ADAM19: variants seen among roughly 807,000 people sequenced by gnomAD.
ADAM19 encodes the protein disintegrin and metalloproteinase domain-containing protein 19.
A neutral mutation model predicts 114.7 loss-of-function variants in ADAM19; 65 were observed. The observed-to-expected ratio is 0.57, with a 90% CI of 0.46 to 0.70. The LOEUF (loss-of-function observed/expected upper bound fraction) is 0.70, where lower values mean the gene tolerates loss of function less well. Ranked by LOEUF, ADAM19 falls within the 30% of genes least tolerant of loss-of-function variation. The probability of loss-of-function intolerance (pLI) is 0.00; values close to 1 mark genes in which losing one functional copy is unlikely to be tolerated. For synonymous variants in ADAM19, 466 were observed against 460.5 expected, an observed-to-expected ratio of 1.01 and a Z score of -0.15; for missense variants, 1,063 against 1,204.7, an observed-to-expected ratio of 0.88 and a Z score of 1.74.
intron 8 of ADAM19, among the ~76,000 whole-genome samples, chr5:157,512,357 T>C (rs1174145917): frequency 6.6e-6 from 1 of 152,218 alleles, no homozygotes; most frequent in Non-Finnish European, 1.5e-5. Context: ...TATTCTCTAG[T>C]GTTTAGGAAA....
intron 3 of ADAM19, among the ~76,000 whole-genome samples, chr5:157,560,861 A>G (rs778455419): frequency 1.3e-5 from 2 of 152,276 alleles, no homozygotes; most frequent in Non-Finnish European, 2.9e-5. Context: ...TTTAAAAACA[A>G]TGAGCAAGAA....
intron 2 of ADAM19, 197 bp downstream of exon 2, chr5:157,570,698 C>T: frequency 1.9e-6 from 1 of 522,402 alleles, no homozygotes; most frequent in Middle Eastern, 2.8e-4. Flanking sequence ...CAACTAATAG[C>T]ATTGGGAAGT....
Position 157,509,346 on chromosome 5 carries a change from C to G in ADAM19, c.860G>C (p.Arg287Pro). The change falls in exon 9 of 23, where the codon CGC (arginine) becomes CCC (proline). Residue 287 changes from arginine to proline, a missense_variant. This residue lies in a region of ADAM19 where 615 missense variants were observed against 706.3 expected (regional missense o/e 0.87). Coordinates refer to ENST00000257527, the MANE Select transcript of ADAM19 (RefSeq NM_033274.5). ...ATGGTACTTCTGGGCAAGCAGCTTGCGCCTCCAACTGAGAAAGGACCAGAG... is the reference window on the plus strand; with the variant it reads ...ATGGTACTTCTGGGCAAGCAGCTTGGGCCTCCAACTGAGAAAGGACCAGAG... ...STLWSFLSWR[R>P]KLLAQKYHDN... 6.2e-7 allele frequency: 1 copy of G among 1,611,754 alleles called. No individual in the cohort carries two copies. Among genetic ancestry groups the G allele is most frequent in the Non-Finnish European group, 8.5e-7 (1 of 1,178,684 alleles).
chr5:157,530,958 A>G, intron 4 of ADAM19, 75 bp from the exon 5 acceptor site: 3 of 1,292,404 alleles, frequency 2.3e-6, no homozygotes, highest in South Asian at 1.2e-5. Context: ...CAGGATGGTC[A>G]TGGATGACTC....
chr5:157,541,583 T>C (rs114084188), intron 3 of ADAM19, among the ~76,000 whole-genome samples: 4,365 of 152,130 alleles, frequency 0.029, 199 homozygotes, highest in African/African-American at 0.099. Flanking sequence ...GAAAATAAGC[T>C]ACCCCCAAAT....
In ADAM19 at chr5:157,503,565, C is replaced by T. The variant is rs538307016; in HGVS notation, c.1131-585G>A. Among the ~76,000 whole-genome samples, 7 of 151,818 alleles carry T rather than the reference C, an allele frequency of 4.6e-5. No individual in the cohort carries two copies. In the South Asian group the frequency reaches 6.3e-4, roughly 14 times the overall value. ...CCCATAACATTCTATTTTTCTTAGT[C>T]GGCATGCAGAAAGCATTTGAGAATC... is the stretch of plus-strand genomic sequence containing the variant. On this transcript the variant is annotated intron_variant, in intron 11 of 22. Coordinates refer to ENST00000257527, the MANE Select transcript of ADAM19 (RefSeq NM_033274.5).
chr5:157,560,182 G>A (rs938259779), intron 3 of ADAM19, among the ~76,000 whole-genome samples: 4 of 147,508 alleles, frequency 2.7e-5, no homozygotes, highest in Admixed American at 1.4e-4. Context: ...GGAGAATGGC[G>A]TGAACCCGGA....
intron 3 of ADAM19, among the ~76,000 whole-genome samples, chr5:157,546,335 C>T (rs375619114): frequency 1.6e-4 from 25 of 152,232 alleles, no homozygotes; most frequent in East Asian, 5.8e-4. Flanking sequence ...TGCATGTGTG[C>T]GTGTTGAGAG....
chr5:157,530,464 C>T (rs887541975), intron 5 of ADAM19, among the ~76,000 whole-genome samples: 4 of 152,242 alleles, frequency 2.6e-5, no homozygotes, highest in Non-Finnish European at 4.4e-5. Context: ...AGTGCCTCCC[C>T]GTGCCGCCCC....
intron 3 of ADAM19, among the ~76,000 whole-genome samples, chr5:157,555,356 A>G (rs927133096): frequency 2.0e-5 from 3 of 152,184 alleles, no homozygotes; most frequent in African/African-American, 7.2e-5. Context: ...TGTGACAATC[A>G]TTCCTAGTTA....
intron 3 of ADAM19, among the ~76,000 whole-genome samples, chr5:157,556,203 CT>C (rs1561555558): frequency 5.2e-5 from 4 of 77,316 alleles, no homozygotes; most frequent in African/African-American, 2.0e-4. Context: ...GTTTTTTTTT[CT>C]TTTTCTTTTT....
At chr5:157,488,718 C>T (rs536159712) in intron 20 of ADAM19, among the ~76,000 whole-genome samples, 1 of 152,290 alleles carries the variant, frequency 6.6e-6, no homozygotes, top group Non-Finnish European at 1.5e-5. Context: ...TCCCATGGGC[C>T]CACAGAGGCT....
chr5:157,496,514 TCA>T (rs1281682440), intron 14 of ADAM19, among the ~76,000 whole-genome samples: 2 of 152,236 alleles, frequency 1.3e-5, no homozygotes, highest in Non-Finnish European at 2.9e-5. Context: ...ATCTTAACTT[TCA>T]GTCTTTGCAA....
intron 21 of ADAM19, 133 bp downstream of exon 21, chr5:157,488,132 T>G (rs1561840836): frequency 1.1e-6 from 1 of 877,698 alleles, no homozygotes; most frequent in East Asian, 2.4e-5. Flanking sequence ...TGCGCCCCCG[T>G]ATTGACTGAA....
rs1252696311 is a variant in ADAM19 at position 157,492,600 on chromosome 5, C to T, written c.1908+373G>A. On this transcript the variant is annotated intron_variant, in intron 16 of 22. Transcript: ENST00000257527. Reference sequence around the variant, plus strand: ...TGGTGACAGTACTCTGTGCCAGGTGCTATGCTAAATGCTTCATGTTTTCCA... The same window carrying T: ...TGGTGACAGTACTCTGTGCCAGGTGTTATGCTAAATGCTTCATGTTTTCCA... Among the ~76,000 whole-genome samples the T allele has an allele frequency of 3.9e-5, 6 of 152,054 alleles. No homozygotes were observed. In the South Asian group the frequency reaches 1.0e-3, roughly 27 times the overall value.
At chr5:157,487,658 G>C (rs373497359) in intron 21 of ADAM19, among the ~76,000 whole-genome samples, 151 of 136,490 alleles carry the variant, frequency 1.1e-3, no homozygotes, top group African/African-American at 1.6e-3. Context: ...AAGAGCACCA[G>C]GGCTGGTGGG....
chr5:157,478,939 A>C lies in ADAM19; in HGVS notation c.*2010T>G. Reference sequence around the variant, plus strand: ...GAGAAAGGCTGGAGAAGCCACAGGAAGCTCTGTGAGGCATGGGGTTGGGTT... The same window carrying C: ...GAGAAAGGCTGGAGAAGCCACAGGACGCTCTGTGAGGCATGGGGTTGGGTT... On this transcript the variant is annotated 3_prime_UTR_variant, in exon 23 of 23. Coordinates refer to ENST00000257527, the MANE Select transcript of ADAM19 (RefSeq NM_033274.5). 1 of 985,636 alleles carries C rather than the reference A, an allele frequency of 1.0e-6. No individual in the cohort carries two copies. Among genetic ancestry groups the C allele is most frequent in the Non-Finnish European group, 1.2e-6 (1 of 829,952 alleles). 61.1% of individuals were successfully genotyped at this position (985,636 alleles called of 1,614,324 possible). A position where few individuals can be genotyped will look rare whatever the true frequency, so the allele number is the denominator to read the frequency against.
rs536931281 is a variant in ADAM19 at position 157,540,404 on chromosome 5, C to T, written c.252-2413G>A. The stretch of plus-strand genomic sequence containing the variant: ...GTGCCAGTGGGGAAGTGTGAATTTT[C>T]CCACAGAAAATGCACTCCTGGTAAA... On this transcript the variant is annotated intron_variant, in intron 3 of 22. Coordinates refer to ENST00000257527, the MANE Select transcript of ADAM19 (RefSeq NM_033274.5). Among the ~76,000 whole-genome samples the T allele has an allele frequency of 3.9e-5, 6 of 152,254 alleles. No homozygotes were observed. In the South Asian group the frequency reaches 1.2e-3, roughly 32 times the overall value.
chr5:157,528,642 A>G (rs1156461115), intron 5 of ADAM19, among the ~76,000 whole-genome samples: 1 of 152,174 alleles, frequency 6.6e-6, no homozygotes, highest in African/African-American at 2.4e-5. Flanking sequence ...GCAGCATTCA[A>G]ACAAAGTCAT....
Sources: gnomAD v4.1 joint callset for allele counts (sites outside exome capture counted in the v4.1 genomes callset) on GRCh38, gnomAD v4.1.1 for gene constraint, gnomAD v4.1.1 regional missense constraint, MANE v1.5 for transcripts, NCBI Gene and HGNC (gene_info 2026-07-23, HGNC 2026-07-21) for gene names.